The following NHLRC2 variants were observed in gnomAD, a reference collection of about 807,000 sequenced individuals.
NHLRC2 encodes the protein NHL repeat-containing protein 2.
A neutral mutation model predicts 68.1 loss-of-function variants in NHLRC2; 33 were observed. That is an observed-to-expected ratio of 0.48 (90% CI 0.37 to 0.65). The LOEUF (loss-of-function observed/expected upper bound fraction) is 0.65, where lower values mean the gene tolerates loss of function less well. Ranked by LOEUF, NHLRC2 falls within the 30% of genes least tolerant of loss-of-function variation. The pLI is 0.00. For missense variants in NHLRC2, 761 were observed against 853.8 expected (o/e 0.89, Z 1.35); for synonymous variants, 311 against 309.6 (o/e 1.00, Z -0.05).
intron 5 of NHLRC2, among the ~76,000 whole-genome samples, chr10:113,887,598 C>T (rs1324089537): frequency 1.3e-5 from 2 of 151,756 alleles, no homozygotes; most frequent in Non-Finnish European, 2.9e-5. Flanking sequence ...GGTGAAGCCC[C>T]GTCTATACAA....
intron 5 of NHLRC2, among the ~76,000 whole-genome samples, chr10:113,896,696 A>G (rs1310869778): frequency 9.9e-5 from 15 of 152,242 alleles, no homozygotes; most frequent in African/African-American, 3.1e-4. Flanking sequence ...AAAGAAAAAA[A>G]AGTATTTGAA....
intron 5 of NHLRC2, among the ~76,000 whole-genome samples, chr10:113,889,393 T>C (rs1179680157): frequency 6.6e-6 from 1 of 152,194 alleles, no homozygotes; most frequent in Non-Finnish European, 1.5e-5. Context: ...TAAAATACCA[T>C]GAAAATATTT....
chr10:113,881,071 T>C (rs1404316527), intron 4 of NHLRC2, among the ~76,000 whole-genome samples: 1 of 151,772 alleles, frequency 6.6e-6, no homozygotes, highest in African/African-American at 2.4e-5. Context: ...GGAAAAGTGG[T>C]TTTTTAAATT....
intron 9 of NHLRC2, 132 bp downstream of exon 9, chr10:113,903,868 C>T: frequency 1.6e-6 from 1 of 624,088 alleles, no homozygotes; most frequent in Non-Finnish European, 2.9e-6. Context: ...CTGTTGTATT[C>T]TTTGACAAAG....
At chr10:113,892,825 C>T (rs1180047362) in intron 5 of NHLRC2, among the ~76,000 whole-genome samples, 2 of 152,116 alleles carry the variant, frequency 1.3e-5, no homozygotes, top group African/African-American at 2.4e-5. Context: ...GTTTCATAGC[C>T]TCTTTATACC....
At chr10:113,893,813 A>G (rs2134727216) in intron 5 of NHLRC2, among the ~76,000 whole-genome samples, 1 of 152,346 alleles carries the variant, frequency 6.6e-6, no homozygotes, top group East Asian at 1.9e-4. Flanking sequence ...ATGCACCAAC[A>G]TAGCTCTCCT....
rs1407599440 is a variant in NHLRC2 at position 113,915,126 on chromosome 10, G to A, written c.*6590G>A. On this transcript the variant is annotated 3_prime_UTR_variant, in exon 11 of 11. Transcript: ENST00000369301. ...AAACCCTAGACACTTGCTGTGGAAT[G>A]TTTGCCTGGTTGTATTGGTGTGTCC... 2 of 456,198 alleles carry A rather than the reference G, an allele frequency of 4.4e-6. No individual in the cohort carries two copies. Among genetic ancestry groups the A allele is most frequent in the East Asian group, 1.4e-4 (2 of 14,412 alleles). 28.3% of individuals were successfully genotyped at this position (456,198 alleles called of 1,614,324 possible).
At position 113,915,322 on chromosome 10, in the gene NHLRC2, C is replaced by A. The variant is rs773411297; in HGVS notation, c.*6786C>A. On this transcript the variant is annotated 3_prime_UTR_variant, in exon 11 of 11. Transcript: ENST00000369301. ...ACAAGCACAAATGAACACTAAATAG[C>A]CTTATACCAAAAAGCATTCTTGTAA... 2.6e-5 allele frequency: 11 copies of A among 426,816 alleles called. No homozygotes were observed. Among genetic ancestry groups the A allele is most frequent in the Admixed American group, 2.6e-4 (10 of 38,860 alleles). 26.4% of individuals were successfully genotyped at this position (426,816 alleles called of 1,614,324 possible).
chr10:113,864,675 G>A (rs190960107), intron 2 of NHLRC2, among the ~76,000 whole-genome samples: 1 of 142,152 alleles, frequency 7.0e-6, no homozygotes, highest in Non-Finnish European at 1.5e-5. Flanking sequence ...CTAGCCTTTC[G>A]ACAGAGCAAG....
chr10:113,903,717 A>C lies in NHLRC2; in HGVS notation c.1685A>C (p.Glu562Ala). The C allele has an allele frequency of 1.3e-6, 2 of 1,552,772 alleles. No individual in the cohort carries two copies. Among genetic ancestry groups the C allele is most frequent in the African/African-American group, 1.4e-5 (1 of 73,578 alleles). ...CATCAAATTAAAGTGATGGATTTAG[A>C]AACTAAAATGGTATCTGTGGTAAGT... ...NNHQIKVMDL[E>A]TKMVSVLPIF... Residue 562 changes from glutamate to alanine, a missense_variant, in exon 9 of 11, where the codon GAA becomes GCA. By Grantham distance (107) the Glu-to-Ala change is moderately radical (BLOSUM62 -1). Coordinates refer to ENST00000369301, the MANE Select transcript of NHLRC2 (RefSeq NM_198514.4).
chr10:113,868,418 ATAAT>A (rs1401304145), intron 2 of NHLRC2, among the ~76,000 whole-genome samples: 3 of 152,224 alleles, frequency 2.0e-5, no homozygotes, highest in Non-Finnish European at 4.4e-5. Flanking sequence ...AAAAAGCTAA[ATAAT>A]TTAAGAAAAA....
chr10:113,874,851 T>C (rs1377992278), intron 2 of NHLRC2, among the ~76,000 whole-genome samples: 1 of 152,138 alleles, frequency 6.6e-6, no homozygotes, highest in Admixed American at 6.6e-5. Flanking sequence ...AATGAGATCA[T>C]CCAGTGAACT....
At chr10:113,886,340 T>G (rs893700830) in intron 5 of NHLRC2, among the ~76,000 whole-genome samples, 2 of 152,124 alleles carry the variant, frequency 1.3e-5, no homozygotes, top group African/African-American at 4.8e-5. Flanking sequence ...TCAGTGTAAT[T>G]TCTATCAAAA....
chr10:113,868,479 G>A (rs1224173769), intron 2 of NHLRC2, among the ~76,000 whole-genome samples: 1 of 152,150 alleles, frequency 6.6e-6, no homozygotes, highest in Admixed American at 6.5e-5. Context: ...TGGATATTTG[G>A]CAATTGTGTT....
intron 2 of NHLRC2, among the ~76,000 whole-genome samples, chr10:113,864,264 A>G (rs1380105016): frequency 6.6e-6 from 1 of 152,168 alleles, no homozygotes; most frequent in Non-Finnish European, 1.5e-5. Flanking sequence ...TTTAATGGGT[A>G]CATTTTCAGT....
chr10:113,881,937 A>G (rs1846039189), intron 4 of NHLRC2, among the ~76,000 whole-genome samples: 1 of 151,758 alleles, frequency 6.6e-6, no homozygotes, highest in African/African-American at 2.4e-5. Flanking sequence ...ATTTTATTAA[A>G]TAGAATTATA....
chr10:113,915,444 A>G lies in NHLRC2; in HGVS notation c.*6908A>G, dbSNP rs368696454. The G allele has an allele frequency of 1.5e-4, 52 of 347,748 alleles. 2 individuals carry two copies. Among genetic ancestry groups the G allele is most frequent in the African/African-American group, 1.1e-3 (51 of 46,660 alleles). 21.5% of individuals were successfully genotyped at this position (347,748 alleles called of 1,614,324 possible). A position where few individuals can be genotyped will look rare whatever the true frequency, so the allele number is the denominator to read the frequency against. ...TATAGCATTAAGCAAATGGTCAGTT[A>G]TTTTTTAATGTTGAAAACTTCCAAG... On this transcript the variant is annotated 3_prime_UTR_variant, in exon 11 of 11. Coordinates refer to ENST00000369301, the MANE Select transcript of NHLRC2 (RefSeq NM_198514.4).
chr10:113,894,821 C>T (rs1363872300), intron 5 of NHLRC2, among the ~76,000 whole-genome samples: 1 of 152,020 alleles, frequency 6.6e-6, no homozygotes, highest in African/African-American at 2.4e-5. Flanking sequence ...TTATGTGTGG[C>T]TTTGGAGTTC....
At chr10:113,855,738 A>G (rs1845747325) in intron 1 of NHLRC2, among the ~76,000 whole-genome samples, 2 of 151,994 alleles carry the variant, frequency 1.3e-5, no homozygotes, top group Non-Finnish European at 2.9e-5. Flanking sequence ...ATTTCAAGTG[A>G]TCCTCCCGCC....
Sources: gnomAD v4.1 joint callset for allele counts (sites outside exome capture counted in the v4.1 genomes callset) on GRCh38, gnomAD v4.1.1 for gene constraint, MANE v1.5 for transcripts, NCBI Gene and HGNC (gene_info 2026-07-23, HGNC 2026-07-21) for gene names.